The following KCNK5 variants were observed in gnomAD, a reference collection of about 807,000 sequenced individuals.
The protein encoded by KCNK5 is potassium channel subfamily K member 5.
Under a neutral mutation model 32.9 loss-of-function variants are expected in KCNK5, and 18 were observed. That is an observed-to-expected ratio of 0.55 (90% CI 0.38 to 0.81). The LOEUF (loss-of-function observed/expected upper bound fraction) is 0.81, where lower values mean the gene tolerates loss of function less well. KCNK5 is among the 30% of genes least tolerant of loss of function. KCNK5 has a pLI of 0.00. For missense variants in KCNK5, 507 were observed against 651.0 expected, an observed-to-expected ratio of 0.78 and a Z score of 2.41; for synonymous variants, 276 against 275.3, an observed-to-expected ratio of 1.00 and a Z score of -0.03.
chr6:39,212,731 C>A (rs1023762584), intron 1 of KCNK5, among the ~76,000 whole-genome samples: 6 of 152,156 alleles, frequency 3.9e-5, no homozygotes, highest in African/African-American at 1.4e-4. Flanking sequence ...GGATGGGTGT[C>A]CCTGGCCCTG....
chr6:39,190,878 G>A lies in KCNK5; in HGVS notation c.*12C>T. On this transcript the variant is annotated 3_prime_UTR_variant, in exon 5 of 5. Transcript: ENST00000359534. ...GAGGCCATCAAAGGTGGGGTGGGGA[G>A]CCGGCCCTGCCTCATGTGCCCTTGG... The A allele has an allele frequency of 2.1e-6, 3 of 1,459,778 alleles. No homozygotes were observed. The highest frequency in any genetic ancestry group is 2.7e-6 in the Non-Finnish European group (3 of 1,104,254). 90.4% of individuals were successfully genotyped at this position (1,459,778 alleles called of 1,614,324 possible). A position where few individuals can be genotyped will look rare whatever the true frequency, so the allele number is the denominator to read the frequency against.
chr6:39,193,857 C>G (rs756370863), intron 4 of KCNK5, among the ~76,000 whole-genome samples: 3 of 152,172 alleles, frequency 2.0e-5, no homozygotes, highest in Non-Finnish European at 2.9e-5. Context: ...GAAGGCCCTA[C>G]TTGCAAGTCC....
intron 1 of KCNK5, among the ~76,000 whole-genome samples, chr6:39,224,906 CT>C (rs1039481514): frequency 1.3e-5 from 2 of 150,640 alleles, no homozygotes; most frequent in Non-Finnish European, 3.0e-5. Flanking sequence ...TTTCTTTAAT[CT>C]TTTTTTTCTT....
rs1470922753 is a variant in KCNK5 at position 39,194,284 on chromosome 6, G to C, written c.519C>G (p.Val173=). ...ATACGAAGGGTGGGATCACCAGGTGGACTAGGACGCCCCACACGATGAAGA... is the reference window on the plus strand; with the variant it reads ...ATACGAAGGGTGGGATCACCAGGTGCACTAGGACGCCCCACACGATGAAGA... ...TVIFIVWGVL[V]HLVIPPFVFM... is the part of the protein sequence containing the mutation. The change falls in exon 4 of 5, where the codon GTC becomes GTG. Residue 173 remains valine, a synonymous_variant. Coordinates refer to ENST00000359534, the MANE Select transcript of KCNK5 (RefSeq NM_003740.4). This position sits in a 1 kb window ranked among gnomAD's most constrained non-coding sequence, Gnocchi z 4.7. 1.2e-6 allele frequency: 2 copies of C among 1,614,046 alleles called. No individual in the cohort carries two copies. The highest frequency in any genetic ancestry group is 1.7e-6 in the Non-Finnish European group (2 of 1,179,978).
intron 1 of KCNK5, among the ~76,000 whole-genome samples, chr6:39,222,591 T>C (rs1583722416): frequency 6.6e-6 from 1 of 152,188 alleles, no homozygotes; most frequent in Non-Finnish European, 1.5e-5. Context: ...GGCTACAGCC[T>C]GTTGGGTCCA....
intron 1 of KCNK5, among the ~76,000 whole-genome samples, chr6:39,209,155 C>T (rs1169078758): frequency 6.6e-6 from 1 of 152,148 alleles, no homozygotes; most frequent in East Asian, 1.9e-4. Flanking sequence ...TGACTCAGAT[C>T]TCAGGCCACA....
intron 1 of KCNK5, among the ~76,000 whole-genome samples, chr6:39,217,439 C>G (rs1771462986): frequency 6.6e-6 from 1 of 152,176 alleles, no homozygotes; most frequent in East Asian, 1.9e-4. Flanking sequence ...GATGGGAGCC[C>G]TACTAGGACA....
intron 1 of KCNK5, among the ~76,000 whole-genome samples, chr6:39,223,024 T>C (rs1167781101): frequency 6.6e-6 from 1 of 152,236 alleles, no homozygotes; most frequent in African/African-American, 2.4e-5. Context: ...GTAAATTATA[T>C]GTTTCTGTGT....
chr6:39,224,598 A>G (rs899752625), intron 1 of KCNK5, among the ~76,000 whole-genome samples: 1 of 152,186 alleles, frequency 6.6e-6, no homozygotes, highest in African/African-American at 2.4e-5. Context: ...CATATGGAAA[A>G]CCTTAGAACA....
chr6:39,192,785 C>T (rs1206803360), intron 4 of KCNK5, among the ~76,000 whole-genome samples: 1 of 152,142 alleles, frequency 6.6e-6, no homozygotes, highest in African/African-American at 2.4e-5. Context: ...TTTGAAATGT[C>T]GTTGACGACT....
intron 1 of KCNK5, among the ~76,000 whole-genome samples, chr6:39,213,441 C>A (rs577849161): frequency 2.0e-5 from 3 of 152,304 alleles, no homozygotes; most frequent in South Asian, 4.1e-4. Flanking sequence ...CTGCTTTCCT[C>A]ACCCTCCTCA....
Position 39,194,663 on chromosome 6 carries a change from G to A in KCNK5, c.396C>T (p.Ala132=), listed in dbSNP as rs1167269854. 6.2e-7 allele frequency: 1 copy of A among 1,614,034 alleles called. No individual in the cohort carries two copies. The highest frequency in any genetic ancestry group is 1.3e-5 in the African/African-American group (1 of 74,906). ...CACGTCCCCCGAAGAACTTGCCCAG[G>A]GCACTGATCCACGTCAGGCAGAGCG... The part of the protein sequence containing the change: ...GVPLCLTWIS[A]LGKFFGGRAK... The change falls in exon 3 of 5, where the codon GCC becomes GCT. Residue 132 remains alanine, a synonymous_variant. Coordinates refer to ENST00000359534, the MANE Select transcript of KCNK5 (RefSeq NM_003740.4). This position sits in a 1 kb window ranked among gnomAD's most constrained non-coding sequence, Gnocchi z 4.7.
intron 1 of KCNK5, among the ~76,000 whole-genome samples, chr6:39,221,933 T>C (rs761980608): frequency 6.6e-6 from 1 of 152,212 alleles, no homozygotes; most frequent in Non-Finnish European, 1.5e-5. Context: ...TCAGCTGCAC[T>C]GATCTCCAGA....
intron 1 of KCNK5, among the ~76,000 whole-genome samples, chr6:39,216,256 G>C (rs1299736783): frequency 6.6e-6 from 1 of 152,216 alleles, no homozygotes; most frequent in Non-Finnish European, 1.5e-5. Context: ...CTGCACCCCA[G>C]CCTGGGCGAC....
Position 39,216,406 on chromosome 6 carries a change from G to T in KCNK5, c.186+12520C>A, listed in dbSNP as rs564199068. Among the ~76,000 whole-genome samples, 7 of 152,350 alleles carry T rather than the reference G, an allele frequency of 4.6e-5. No individual in the cohort carries two copies. In the East Asian group the frequency reaches 1.3e-3, roughly 29 times the overall value. On this transcript the variant is annotated intron_variant, in intron 1 of 4. Coordinates refer to ENST00000359534, the MANE Select transcript of KCNK5 (RefSeq NM_003740.4). ...CAGTGCAGAGCTGGGCAGCAAAGGG[G>T]CCAGCTAACACGCGCACGGGGCACT...
intron 1 of KCNK5, among the ~76,000 whole-genome samples, chr6:39,227,947 A>G (rs1479226293): frequency 3.3e-5 from 5 of 152,234 alleles, no homozygotes; most frequent in Admixed American, 2.0e-4. Context: ...GCAATCTAGA[A>G]CTTTCACCCA....
intron 1 of KCNK5, among the ~76,000 whole-genome samples, chr6:39,225,309 C>G (rs142886395): frequency 6.6e-6 from 1 of 152,162 alleles, no homozygotes; most frequent in East Asian, 1.9e-4. Flanking sequence ...AAACTGACTC[C>G]GCTCTATGTG....
chr6:39,191,868 T>C lies in KCNK5; in HGVS notation c.635-113A>G. 10 of 1,145,130 alleles carry C rather than the reference T, an allele frequency of 8.7e-6. No homozygotes were observed. The highest frequency in any genetic ancestry group is 1.2e-5 in the Non-Finnish European group (10 of 805,714). The allele number at this position is 1,145,130 out of a possible 1,614,324, so 70.9% of individuals were successfully genotyped here. A position where few individuals can be genotyped will look rare whatever the true frequency, so the allele number is the denominator to read the frequency against. On this transcript the variant is annotated intron_variant, in intron 4 of 4. Transcript: ENST00000359534. This position sits in a 1 kb window ranked among gnomAD's most constrained non-coding sequence, Gnocchi z 5.8. Reference sequence around the variant, plus strand: ...GTCAGGCCAGAGCACAGGACGGGGGTGCAGTGGGATAGAAAGGGGCCTGTT... The same window carrying C: ...GTCAGGCCAGAGCACAGGACGGGGGCGCAGTGGGATAGAAAGGGGCCTGTT...
chr6:39,217,118 C>A (rs1410592834), intron 1 of KCNK5, among the ~76,000 whole-genome samples: 4 of 74,444 alleles, frequency 5.4e-5, no homozygotes, highest in African/African-American at 1.4e-4. Flanking sequence ...AAAACTCCAT[C>A]AAAAAAAAAA....
Sources: gnomAD v4.1 joint callset for allele counts (sites outside exome capture counted in the v4.1 genomes callset) on GRCh38, gnomAD v4.1.1 for gene constraint, Gnocchi (gnomAD v3.1) non-coding constraint, MANE v1.5 for transcripts, NCBI Gene and HGNC (gene_info 2026-07-23, HGNC 2026-07-21) for gene names.